The following CSMD1 variants were observed in gnomAD, a reference collection of about 807,000 sequenced individuals.
CSMD1 encodes CUB and sushi domain-containing protein 1.
In CSMD1, 213 loss-of-function variants were observed where a neutral mutation model predicts 417.5. The ratio of observed to expected loss-of-function variants is 0.51; its 90% CI spans 0.46 to 0.57. The LOEUF (loss-of-function observed/expected upper bound fraction) is 0.57, where lower values mean the gene tolerates loss of function less well. CSMD1 is among the 20% of genes least tolerant of loss of function. CSMD1 has a pLI of 0.00. For missense variants in CSMD1, 6,923 were observed against 4,529.7 expected (o/e 1.53, Z -15.17); for synonymous variants, 2,862 against 1,736.8 (o/e 1.65, Z -16.11).
intron 5 of CSMD1, among the ~76,000 whole-genome samples, chr8:3,845,358 A>C (rs1040386506): frequency 6.6e-6 from 1 of 152,220 alleles, no homozygotes; most frequent in Non-Finnish European, 1.5e-5. Context: ...CTCCTGGACC[A>C]CACACCTGTA....
At chr8:4,542,349 T>C (rs1461181581) in intron 2 of CSMD1, among the ~76,000 whole-genome samples, 1 of 141,382 alleles carries the variant, frequency 7.1e-6, no homozygotes, top group East Asian at 2.1e-4. Flanking sequence ...AGATACAAAC[T>C]TACTAACAAA....
At chr8:3,440,309 C>A (rs1192665115) in intron 12 of CSMD1, among the ~76,000 whole-genome samples, 1 of 152,086 alleles carries the variant, frequency 6.6e-6, no homozygotes, top group African/African-American at 2.4e-5. Flanking sequence ...TTATTTTGAT[C>A]TTTGGTTTCT....
chr8:3,434,925 G>A lies in CSMD1; in HGVS notation c.1562-25320C>T, dbSNP rs35759053. Among the ~76,000 whole-genome samples, 559 of 152,284 alleles carry A rather than the reference G, an allele frequency of 3.7e-3. 2 individuals are homozygous for A. The highest frequency in any genetic ancestry group is 8.1e-3 in the African/African-American group (335 of 41,556). On this transcript the variant is annotated intron_variant, in intron 12 of 69. Coordinates refer to ENST00000635120, the MANE Select transcript of CSMD1 (RefSeq NM_033225.6). ...GTGATTGGTTTAAGTCAACTATCAC[G>A]GGCTAGTCAGCACAGTTCCCATGTG...
At chr8:4,970,828 AT>A (rs1403298712) in intron 1 of CSMD1, among the ~76,000 whole-genome samples, 1 of 152,096 alleles carries the variant, frequency 6.6e-6, no homozygotes, top group Non-Finnish European at 1.5e-5. Flanking sequence ...AGCTCTAGTC[AT>A]CAAAATCAAA....
intron 3 of CSMD1, among the ~76,000 whole-genome samples, chr8:4,179,840 C>G (rs1325137241): frequency 1.3e-5 from 2 of 152,192 alleles, no homozygotes; most frequent in Non-Finnish European, 2.9e-5. Context: ...CTCATCATCA[C>G]TGGCCATCAG....
intron 1 of CSMD1, among the ~76,000 whole-genome samples, chr8:4,758,879 G>A (rs1811842721): frequency 6.6e-6 from 1 of 152,122 alleles, no homozygotes; most frequent in Non-Finnish European, 1.5e-5. Context: ...AGTGATTTGG[G>A]TGAGGACACA....
intron 40 of CSMD1, among the ~76,000 whole-genome samples, chr8:3,143,202 C>A (rs1818611614): frequency 6.6e-6 from 1 of 152,054 alleles, no homozygotes; most frequent in Non-Finnish European, 1.5e-5. Flanking sequence ...TTTGCCTTGT[C>A]CCACAGTTCT....
chr8:3,441,995 G>C lies in CSMD1; in HGVS notation c.1561+26717C>G, dbSNP rs570211961. On this transcript the variant is annotated intron_variant, in intron 12 of 69. Transcript: ENST00000635120. ...GGACAAGATGTGGAGGCGGAAGACAGTGTGTAGGCCTAAGCTATGTTTTGT... is the reference window on the plus strand; with the variant it reads ...GGACAAGATGTGGAGGCGGAAGACACTGTGTAGGCCTAAGCTATGTTTTGT... 2.6e-5 allele frequency among the ~76,000 whole-genome samples: 4 copies of C among 152,068 alleles called. No homozygotes were observed. In the East Asian group the frequency reaches 5.8e-4, roughly 22 times the overall value.
chr8:3,407,373 A>G (rs1036445308), intron 14 of CSMD1, among the ~76,000 whole-genome samples: 1 of 151,480 alleles, frequency 6.6e-6, no homozygotes, highest in African/African-American at 2.4e-5. Context: ...TGGATAAACA[A>G]TGGATTGATG....
At chr8:4,593,408 G>A (rs1008927122) in intron 2 of CSMD1, among the ~76,000 whole-genome samples, 11 of 152,120 alleles carry the variant, frequency 7.2e-5, no homozygotes, top group Non-Finnish European at 1.6e-4. Context: ...TGTATTTTTG[G>A]CATAATGTTT....
At chr8:4,198,082 A>G (rs1487763490) in intron 3 of CSMD1, among the ~76,000 whole-genome samples, 1 of 152,226 alleles carries the variant, frequency 6.6e-6, no homozygotes, top group Non-Finnish European at 1.5e-5. Context: ...AAAGCGAGGG[A>G]AGTCTGGGAG....
intron 1 of CSMD1, among the ~76,000 whole-genome samples, chr8:4,747,382 G>C (rs1217564974): frequency 6.6e-6 from 1 of 152,120 alleles, no homozygotes; most frequent in Non-Finnish European, 1.5e-5. Flanking sequence ...TTCATGGCGA[G>C]ACACACAACT....
rs368913352 is a variant in CSMD1, at chr8:4,192,084, G to C, written c.416-159985C>G. Among the ~76,000 whole-genome samples, 8 of 152,024 alleles carry C rather than the reference G, an allele frequency of 5.3e-5. No homozygotes were observed. In the East Asian group the frequency reaches 1.2e-3, roughly 22 times the overall value. ...TCTCAATAGCCATTACAGACAAACAGAAAACCAAAAACGTGGGAAGGAGAA... is the reference window on the plus strand; with the variant it reads ...TCTCAATAGCCATTACAGACAAACACAAAACCAAAAACGTGGGAAGGAGAA... On this transcript the variant is annotated intron_variant, in intron 3 of 69. Transcript: ENST00000635120.
chr8:3,787,843 G>C (rs909293688), intron 5 of CSMD1, among the ~76,000 whole-genome samples: 1 of 152,150 alleles, frequency 6.6e-6, no homozygotes, highest in Non-Finnish European at 1.5e-5. Context: ...ATCTTGCAAA[G>C]CAAGAAAAGT....
chr8:4,211,671 G>T (rs548489559), intron 3 of CSMD1, among the ~76,000 whole-genome samples: 5 of 152,174 alleles, frequency 3.3e-5, no homozygotes, highest in Non-Finnish European at 5.9e-5. Flanking sequence ...AGTATCCTTA[G>T]CTGAAATGCA....
At chr8:4,905,563 T>C (rs553766400) in intron 1 of CSMD1, among the ~76,000 whole-genome samples, 2 of 152,154 alleles carry the variant, frequency 1.3e-5, no homozygotes, top group Admixed American at 1.3e-4. Context: ...CTCACATCTG[T>C]AATCCCAGCA....
intron 7 of CSMD1, among the ~76,000 whole-genome samples, chr8:3,662,760 G>T (rs181863796): frequency 6.6e-6 from 1 of 151,994 alleles, no homozygotes; most frequent in African/African-American, 2.4e-5. Context: ...AACCCCGCAT[G>T]TTCTCACTCA....
chr8:3,725,565 A>G (rs553268088), intron 6 of CSMD1, among the ~76,000 whole-genome samples: 1 of 152,230 alleles, frequency 6.6e-6, no homozygotes, highest in Admixed American at 6.5e-5. Context: ...TGTATTAAGT[A>G]GAAACAGTTG....
At chr8:4,248,366 C>A (rs1192235319) in intron 3 of CSMD1, among the ~76,000 whole-genome samples, 1 of 152,132 alleles carries the variant, frequency 6.6e-6, no homozygotes, top group Non-Finnish European at 1.5e-5. Flanking sequence ...CATCTCATCC[C>A]TTGGTGAGTG....
Sources: gnomAD v4.1 joint callset for allele counts (sites outside exome capture counted in the v4.1 genomes callset) on GRCh38, gnomAD v4.1.1 for gene constraint, MANE v1.5 for transcripts, NCBI Gene and HGNC (gene_info 2026-07-23, HGNC 2026-07-21) for gene names.